IBA57: variants seen among roughly 807,000 people sequenced by gnomAD.
IBA57 encodes iron-sulfur cluster assembly factor IBA57, also known as iron-sulfur cluster assembly factor IBA57, mitochondrial.
Under a neutral mutation model 20.4 loss-of-function variants are expected in IBA57, and 20 were observed. The ratio of observed to expected loss-of-function variants is 0.98; its 90% CI spans 0.69 to 1.42. IBA57 has a LOEUF of 1.42. Among genes scored for constraint, IBA57 ranks in the 40% most tolerant of loss-of-function variants. The pLI is 0.00. For synonymous variants in IBA57, 310 were observed against 233.9 expected, an observed-to-expected ratio of 1.33 and a Z score of -2.97; for missense variants, 608 against 499.3, an observed-to-expected ratio of 1.22 and a Z score of -2.07.
chr1:228,169,079 A>G lies in IBA57; in HGVS notation c.341+2922A>G, dbSNP rs571306377. ...TCGTTGGGCACGTTTAGTTCAGTTCATGAGAGTGTAAACTCTTTTCCTTGT... is the reference window on the plus strand; with the variant it reads ...TCGTTGGGCACGTTTAGTTCAGTTCGTGAGAGTGTAAACTCTTTTCCTTGT... On this transcript the variant is annotated intron_variant, in intron 1 of 2. Coordinates refer to ENST00000366711, the MANE Select transcript of IBA57 (RefSeq NM_001010867.4). Among the ~76,000 whole-genome samples the G allele has an allele frequency of 5.3e-5, 8 of 152,010 alleles. No individual in the cohort carries two copies. In the South Asian group the frequency reaches 1.0e-3, roughly 20 times the overall value.
chr1:228,175,681 C>A lies in IBA57; in HGVS notation c.*168C>A. On this transcript the variant is annotated 3_prime_UTR_variant, in exon 3 of 3. Transcript: ENST00000366711. ...GGTGCCCTGCCTGGCCCCACCCATG[C>A]TCAGGGGCCCCAGGCACGTGGGTTG... 1.2e-6 allele frequency: 1 copy of A among 842,568 alleles called. No homozygotes were observed. The highest frequency in any genetic ancestry group is 2.3e-5 in the South Asian group (1 of 42,946). The allele number at this position is 842,568 out of a possible 1,614,324, so 52.2% of individuals were successfully genotyped here. A position where few individuals can be genotyped will look rare whatever the true frequency, so the allele number is the denominator to read the frequency against.
chr1:228,165,856 C>A lies in IBA57; in HGVS notation c.40C>A (p.Arg14Ser). 2 of 1,307,430 alleles carry A rather than the reference C, an allele frequency of 1.5e-6. No homozygotes were observed. Among genetic ancestry groups the A allele is most frequent in the Non-Finnish European group, 1.9e-6 (2 of 1,034,110 alleles). 81.0% of individuals were successfully genotyped at this position (1,307,430 alleles called of 1,614,324 possible). ...GCTGCTTCGAGGCGCCACTCCGGGG[C>A]GCGGCGGCCCGGTCTGGCGCTGGCG... ...AALLRGATPG[R>S]GGPVWRWRLR... Residue 14 changes from arginine to serine, a missense_variant, in exon 1 of 3, where the codon CGC becomes AGC. Transcript: ENST00000366711.
rs2035086051 is a variant in IBA57, at chr1:228,180,177, AAAAAAAAG to A, written c.*4666_*4673del. ...TCTCAAAAAAAAAAAAAAAAAAAAA[AAAAAAAAG>A]AGGGCTAAACGCATTTTCATACCAC... On this transcript the variant is annotated 3_prime_UTR_variant, in exon 3 of 3. Coordinates refer to ENST00000366711, the MANE Select transcript of IBA57 (RefSeq NM_001010867.4). The A allele has an allele frequency of 6.7e-6, 1 of 150,328 alleles. No homozygotes were observed. The highest frequency in any genetic ancestry group is 1.5e-5 in the Non-Finnish European group (1 of 67,814). 9.3% of individuals were successfully genotyped at this position (150,328 alleles called of 1,614,324 possible). A position where few individuals can be genotyped will look rare whatever the true frequency, so the allele number is the denominator to read the frequency against.
At position 228,169,332 on chromosome 1, in the gene IBA57, C is replaced by T. The variant is rs958251316; in HGVS notation, c.341+3175C>T. Among the ~76,000 whole-genome samples the T allele has an allele frequency of 2.0e-5, 3 of 152,166 alleles. No individual in the cohort carries two copies. The East Asian group carries it at 5.8e-4, about 29-fold the overall frequency. The stretch of plus-strand genomic sequence containing the variant: ...ATATATCATCCTGAGCCATCGCTTC[C>T]TTAAAGCACCCTATTCTTGTTTCCT... On this transcript the variant is annotated intron_variant, in intron 1 of 2. Transcript: ENST00000366711.
chr1:228,175,430 C>G lies in IBA57; in HGVS notation c.988C>G (p.Pro330Ala). 1 of 1,612,542 alleles carries G rather than the reference C, an allele frequency of 6.2e-7. No homozygotes were observed. The highest frequency in any genetic ancestry group is 8.5e-7 in the Non-Finnish European group (1 of 1,179,746). The change falls in exon 3 of 3, where the codon CCT becomes GCT. Residue 330 changes from proline (P) to alanine (A), a missense_variant. By Grantham distance (27) the Pro-to-Ala change is conservative (BLOSUM62 -1). Coordinates refer to ENST00000366711, the MANE Select transcript of IBA57 (RefSeq NM_001010867.4). ...ALLWSEKIKG[P>A]LHIRASEGAQ... is the part of the protein sequence containing the mutation. ...GCTGTGGTCAGAGAAGATCAAGGGT[C>G]CTCTGCACATCAGAGCCTCTGAGGG...
Position 228,175,143 on chromosome 1 carries a change from A to T in IBA57, c.701A>T (p.Asp234Val). ...YLQGVPEGVR[D>V]LPPGVALPLE... The stretch of plus-strand genomic sequence containing the variant: ...GCAGGCGTTCCTGAGGGGGTCCGAG[A>T]CTTGCCTCCTGGGGTGGCCCTGCCC... Residue 234 changes from aspartate to valine, a missense_variant, in exon 3 of 3, where the codon GAC becomes GTC. By Grantham distance (152) the Asp-to-Val change is radical. Coordinates refer to ENST00000366711, the MANE Select transcript of IBA57 (RefSeq NM_001010867.4). The T allele has an allele frequency of 6.2e-7, 1 of 1,612,488 alleles. No homozygotes were observed. The highest frequency in any genetic ancestry group is 1.1e-5 in the South Asian group (1 of 91,064).
At chr1:228,171,763 G>A (rs2034930909) in intron 1 of IBA57, 1 of 153,212 alleles carries the variant, frequency 6.5e-6, no homozygotes, top group Non-Finnish European at 1.5e-5. Flanking sequence ...CTGGACCTGT[G>A]GTCCCTCAGC....
chr1:228,179,912 T>C lies in IBA57; in HGVS notation c.*4399T>C, dbSNP rs2035081326. ...GGCTCACGTCTGTATTCCCAGCACT[T>C]TGGGAGGCCAAGGCAGGTGGATCAC... On this transcript the variant is annotated 3_prime_UTR_variant, in exon 3 of 3. Coordinates refer to ENST00000366711, the MANE Select transcript of IBA57 (RefSeq NM_001010867.4). 1 of 152,052 alleles carries C rather than the reference T, an allele frequency of 6.6e-6. No individual in the cohort carries two copies. The highest frequency in any genetic ancestry group is 1.5e-5 in the Non-Finnish European group (1 of 68,022). 9.4% of individuals were successfully genotyped at this position (152,052 alleles called of 1,614,324 possible). A position where few individuals can be genotyped will look rare whatever the true frequency, so the allele number is the denominator to read the frequency against.
intron 1 of IBA57, among the ~76,000 whole-genome samples, chr1:228,168,750 G>T (rs187390088): frequency 5.1e-4 from 78 of 152,294 alleles, no homozygotes; most frequent in Admixed American, 4.6e-3. Flanking sequence ...CAGCACTGAA[G>T]GGTGACGTCA....
intron 1 of IBA57, among the ~76,000 whole-genome samples, chr1:228,169,341 C>G (rs1211201504): frequency 2.0e-5 from 3 of 152,122 alleles, no homozygotes. Context: ...CCTTAAAGCA[C>G]CCTATTCTTG....
In IBA57 at chr1:228,166,100, G is replaced by C. The variant is rs755647585; in HGVS notation, c.284G>C (p.Gly95Ala). ...AAGAPPAARAGYAHFLNVQGR... is the reference protein window; with the variant it reads ...AAGAPPAARAAYAHFLNVQGR... ...GGGGCCCCGCCTGCTGCGCGCGCGGGCTACGCCCACTTCCTGAACGTGCAG... is the reference window on the plus strand; with the variant it reads ...GGGGCCCCGCCTGCTGCGCGCGCGGCCTACGCCCACTTCCTGAACGTGCAG... Residue 95 changes from glycine (G) to alanine (A), a missense_variant, in exon 1 of 3, where the codon GGC (glycine) becomes GCC (alanine). By Grantham distance (60) the Gly-to-Ala change is moderately conservative (BLOSUM62 0). Transcript: ENST00000366711. 2 of 1,536,010 alleles carry C rather than the reference G, an allele frequency of 1.3e-6. No homozygotes were observed. The highest frequency in any genetic ancestry group is 1.2e-5 in the South Asian group (1 of 82,228).
chr1:228,168,167 C>T (rs1489504982), intron 1 of IBA57, among the ~76,000 whole-genome samples: 1 of 152,212 alleles, frequency 6.6e-6, no homozygotes, highest in African/African-American at 2.4e-5. Flanking sequence ...GCCTACTCAA[C>T]ATGGAGACCA....
chr1:228,175,475 G>T lies in IBA57; in HGVS notation c.1033G>T (p.Ala345Ser), dbSNP rs150912462. 1.4e-5 allele frequency: 22 copies of T among 1,595,486 alleles called. No individual in the cohort carries two copies. The highest frequency in any genetic ancestry group is 1.3e-4 in the East Asian group (6 of 44,656). The part of the protein sequence containing the change: ...ASEGAQVALA[A>S]SVPDWWPTVS... ...TGAGGGTGCCCAGGTGGCCTTAGCC[G>T]CATCTGTGCCAGACTGGTGGCCTAC... The change falls in exon 3 of 3, where the codon GCA becomes TCA. Residue 345 changes from alanine to serine, a missense_variant. Physicochemically the swap from Ala to Ser is moderately conservative, Grantham distance 99 (BLOSUM62 1). Coordinates refer to ENST00000366711, the MANE Select transcript of IBA57 (RefSeq NM_001010867.4).
At chr1:228,166,178 C>T (rs1392400223) in intron 1 of IBA57, 21 bp downstream of exon 1, 3 of 1,401,930 alleles carry the variant, frequency 2.1e-6, no homozygotes, top group African/African-American at 3.0e-5. Context: ...GCTGGGAGGG[C>T]GCTCGGGGGC....
chr1:228,174,822 C>T lies in IBA57; in HGVS notation c.472C>T (p.Arg158Ter). 6.2e-7 allele frequency: 1 copy of T among 1,610,222 alleles called. No individual in the cohort carries two copies. Among genetic ancestry groups the T allele is most frequent in the East Asian group, 2.2e-5 (1 of 44,768 alleles). ...CACGGTGGAGCCGCACCCGGAGCTG[C>T]GAGTGTGGGCGGTGTTGCCCAGTTC... Reference protein sequence around the residue: ...KVTVEPHPELRVWAVLPSSPE... With the variant: ...KVTVEPHPEL Residue 158 changes from arginine (R) to a stop codon, truncating the protein, a stop_gained, in exon 2 of 3, where the codon CGA (arginine) becomes TGA (stop). Coordinates refer to ENST00000366711, the MANE Select transcript of IBA57 (RefSeq NM_001010867.4). LOFTEE classifies it high-confidence loss of function.
chr1:228,174,856 C>T lies in IBA57; in HGVS notation c.506C>T (p.Ala169Val), dbSNP rs745621556. The change falls in exon 2 of 3, where the codon GCC (alanine) becomes GTC (valine). Residue 169 changes from alanine (A) to valine (V), a missense_variant. Ala to Val is a moderately conservative substitution (Grantham distance 64, BLOSUM62 0). Transcript: ENST00000366711. ...GCGGTGTTGCCCAGTTCCCCTGAGG[C>T]CTGCGGGGCTGCATCGCTGCAGGAG... ...VWAVLPSSPE[A>V]CGAASLQERA... 2.9e-5 allele frequency: 46 copies of T among 1,610,116 alleles called. No homozygotes were observed. In the African/African-American group the frequency reaches 3.2e-4, roughly 11 times the overall value.
chr1:228,180,307 A>G lies in IBA57; in HGVS notation c.*4794A>G, dbSNP rs374129219. Reference sequence around the variant, plus strand: ...GAGGGATCCTGTGGGGAAGCTGGAGATGGAAGAAGGAGTGAATAGGCAGGA... The same window carrying G: ...GAGGGATCCTGTGGGGAAGCTGGAGGTGGAAGAAGGAGTGAATAGGCAGGA... On this transcript the variant is annotated 3_prime_UTR_variant, in exon 3 of 3. Coordinates refer to ENST00000366711, the MANE Select transcript of IBA57 (RefSeq NM_001010867.4). The G allele has an allele frequency of 6.6e-6, 1 of 152,046 alleles. No homozygotes were observed. The highest frequency in any genetic ancestry group is 6.6e-5 in the Admixed American group (1 of 15,250). 9.4% of individuals were successfully genotyped at this position (152,046 alleles called of 1,614,324 possible). A position where few individuals can be genotyped will look rare whatever the true frequency, so the allele number is the denominator to read the frequency against.
chr1:228,179,750 AAGT>A lies in IBA57; in HGVS notation c.*4241_*4243del, dbSNP rs2035078439. 2 of 150,188 alleles carry A rather than the reference AAGT, an allele frequency of 1.3e-5. No homozygotes were observed. The highest frequency in any genetic ancestry group is 5.1e-5 in the African/African-American group (2 of 39,500). 9.3% of individuals were successfully genotyped at this position (150,188 alleles called of 1,614,324 possible). A position where few individuals can be genotyped will look rare whatever the true frequency, so the allele number is the denominator to read the frequency against. ...AGAGATTATCTGGAAAGAAGAAAAT[AAGT>A]AGTTGATTAAAAGCAACAGTGGAAG... On this transcript the variant is annotated 3_prime_UTR_variant, in exon 3 of 3. Coordinates refer to ENST00000366711, the MANE Select transcript of IBA57 (RefSeq NM_001010867.4).
At position 228,178,791 on chromosome 1, in the gene IBA57, G is replaced by A. The variant is rs2035065982; in HGVS notation, c.*3278G>A. The A allele has an allele frequency of 6.6e-6, 1 of 152,234 alleles. No individual in the cohort carries two copies. The highest frequency in any genetic ancestry group is 2.4e-5 in the African/African-American group (1 of 41,442). The allele number at this position is 152,234 out of a possible 1,614,324, so 9.4% of individuals were successfully genotyped here. ...CTCCCTGTTCTGTGTTCTTGTATGA[G>A]GCGGTCAGTCAAGCGCAGCCCGAGA... On this transcript the variant is annotated 3_prime_UTR_variant, in exon 3 of 3. Transcript: ENST00000366711.
Sources: allele counts gnomAD v4.1 joint callset (sites outside exome capture counted in the v4.1 genomes callset), GRCh38; gene constraint gnomAD v4.1.1; transcripts MANE v1.5; gene names NCBI Gene and HGNC (gene_info 2026-07-23, HGNC 2026-07-21).